Variants in IFFO1 observed in about 807,000 individuals in gnomAD.
The protein encoded by IFFO1 is non-homologous end joining factor IFFO1.
In IFFO1, 42 loss-of-function variants were observed where a neutral mutation model predicts 59.6. The observed-to-expected ratio is 0.70, with a 90% CI of 0.55 to 0.91. The LOEUF is 0.91. Ranked by LOEUF, IFFO1 falls within the 40% of genes least tolerant of loss-of-function variation. The pLI is 0.00. For missense variants in IFFO1, 711 were observed against 793.2 expected (o/e 0.90, Z 1.24); for synonymous variants, 336 against 342.8 (o/e 0.98, Z 0.22).
chr12:6,551,449 CTCG>C, intron 1 of IFFO1: 1 of 1,295,406 alleles, frequency 7.7e-7, no homozygotes, highest in Non-Finnish European at 1.0e-6. Context: ...CAGAACAGAG[CTCG>C]TCGAGCCCGC....
chr12:6,548,815 A>G lies in IFFO1; in HGVS notation c.1115T>C (p.Met372Thr), dbSNP rs1947096711. 4 of 1,612,884 alleles carry G rather than the reference A, an allele frequency of 2.5e-6. No homozygotes were observed. Among genetic ancestry groups the G allele is most frequent in the Non-Finnish European group, 3.4e-6 (4 of 1,179,608 alleles). Residue 372 changes from methionine (M) to threonine (T), a missense_variant, in exon 6 of 10, where the codon ATG becomes ACG. Met to Thr is a moderately conservative substitution (Grantham distance 81). Around this residue, in one of 3 missense-constraint regions of IFFO1, gnomAD observed 579 missense variants for 650.3 expected, o/e 0.89. Coordinates refer to ENST00000619571, the MANE Select transcript of IFFO1 (RefSeq NM_001193457.2). The surrounding 1 kb of genome is among the most constrained non-coding windows in gnomAD (Gnocchi z 6.1). ...LHLSPIKVPS[M>T]GGRKRERKAA... ...CTTGCGCTCCCGCTTCCGCCCCCCC[A>G]TGGATGGGACCTTAATGGGAGACAA...
At chr12:6,542,986 G>A (rs1946785136) in intron 8 of IFFO1, among the ~76,000 whole-genome samples, 1 of 152,192 alleles carries the variant, frequency 6.6e-6, no homozygotes, top group Non-Finnish European at 1.5e-5. Context: ...CAAATTTACA[G>A]CAGGAACAAG....
At chr12:6,547,934 G>GCTGAGA (rs1327702965) in intron 8 of IFFO1, 131 bp downstream of exon 8, 13 of 731,776 alleles carry the variant, frequency 1.8e-5, no homozygotes, top group Non-Finnish European at 3.0e-5. Context: ...GAGGACTATA[G>GCTGAGA]CTGAGAGATC....
Position 6,540,580 on chromosome 12 carries a change from GGA to G in IFFO1, c.1617_1618del (p.Pro540CysfsTer8), listed in dbSNP as rs1565560936. The G allele has an allele frequency of 1.1e-5, 18 of 1,613,454 alleles. No individual in the cohort carries two copies. The highest frequency in any genetic ancestry group is 1.5e-5 in the Non-Finnish European group (18 of 1,179,902). On this transcript the variant is annotated frameshift_variant, in exon 10 of 10. Coordinates refer to ENST00000619571, the MANE Select transcript of IFFO1 (RefSeq NM_001193457.2). LOFTEE classifies it high-confidence loss of function. ...GCTAAGCGGGACCGCAGTGAAAGCAGGAGACTTTCTAGAAAAAAACACCAGTT... is the reference window on the plus strand; with the variant it reads ...GCTAAGCGGGACCGCAGTGAAAGCAGGACTTTCTAGAAAAAAACACCAGTT...
In IFFO1 at chr12:6,549,504, G is replaced by A; in HGVS notation, c.1072-20C>T. On this transcript the variant is annotated intron_variant, in intron 4 of 9. Transcript: ENST00000619571. The surrounding 1 kb of genome is among the most constrained non-coding windows in gnomAD (Gnocchi z 5.0). The stretch of plus-strand genomic sequence containing the variant: ...CTTCTTCTGTGGAGGAAGCAAGAGA[G>A]AAGATGAGAGGAAGAGAGGAGAGGA... 6.2e-7 allele frequency: 1 copy of A among 1,604,786 alleles called. No individual in the cohort carries two copies. Among genetic ancestry groups the A allele is most frequent in the East Asian group, 2.2e-5 (1 of 44,862 alleles).
At position 6,548,951 on chromosome 12, in the gene IFFO1, G is replaced by A. The variant is rs1592215530; in HGVS notation, c.1081-102C>T. On this transcript the variant is annotated intron_variant, in intron 5 of 9. Coordinates refer to ENST00000619571, the MANE Select transcript of IFFO1 (RefSeq NM_001193457.2). The surrounding 1 kb of genome is among the most constrained non-coding windows in gnomAD (Gnocchi z 6.1). ...GAAGCATGAACCAGTAGGAAGGGGG[G>A]GCAGACAGAGAGAAAAGTCACAGTT... is the stretch of plus-strand genomic sequence containing the variant. The A allele has an allele frequency of 3.2e-6, 3 of 935,318 alleles. No homozygotes were observed. The highest frequency in any genetic ancestry group is 2.6e-5 in the East Asian group (1 of 37,844). The allele number at this position is 935,318 out of a possible 1,614,324, so 57.9% of individuals were successfully genotyped here.
intron 1 of IFFO1, among the ~76,000 whole-genome samples, chr12:6,554,148 T>C (rs936103116): frequency 6.6e-6 from 1 of 150,738 alleles, no homozygotes; most frequent in African/African-American, 2.4e-5. Context: ...TGGAGATCCC[T>C]GAAGGTCGCC....
At chr12:6,553,342 T>A (rs76167051) in intron 1 of IFFO1, among the ~76,000 whole-genome samples, 1 of 151,128 alleles carries the variant, frequency 6.6e-6, no homozygotes, top group South Asian at 2.1e-4. Flanking sequence ...AAAAAAAAAA[T>A]GCTCCTGAGA....
In IFFO1 at chr12:6,549,543, G is replaced by A; in HGVS notation, c.1072-59C>T. 1 of 1,457,012 alleles carries A rather than the reference G, an allele frequency of 6.9e-7. No homozygotes were observed. The highest frequency in any genetic ancestry group is 1.1e-5 in the South Asian group (1 of 87,662). The allele number at this position is 1,457,012 out of a possible 1,614,324, so 90.3% of individuals were successfully genotyped here. On this transcript the variant is annotated intron_variant, in intron 4 of 9. Coordinates refer to ENST00000619571, the MANE Select transcript of IFFO1 (RefSeq NM_001193457.2). This position sits in a 1 kb window ranked among gnomAD's most constrained non-coding sequence, Gnocchi z 5.0. The stretch of plus-strand genomic sequence containing the variant: ...GAGAGGAGAGGAAGCAGACAGAGGA[G>A]AGAGAGGGGGAAGGGAGAGACGGCG...
rs1293033106 is a variant in IFFO1 at position 6,548,151 on chromosome 12, C to G, written c.1393G>C (p.Asp465His). The change falls in exon 8 of 10, where the codon GAT becomes CAT. Residue 465 changes from aspartate (D) to histidine (H), a missense_variant. Coordinates refer to ENST00000619571, the MANE Select transcript of IFFO1 (RefSeq NM_001193457.2). This position sits in a 1 kb window ranked among gnomAD's most constrained non-coding sequence, Gnocchi z 6.1. ...AAEAQGEQQE[D>H]SLEKVIKDTE... ...TCTTTAATCACCTTCTCCAGGCTATCTTCCTGCTGCTGGAGTAGAAAGGGA... is the reference window on the plus strand; with the variant it reads ...TCTTTAATCACCTTCTCCAGGCTATGTTCCTGCTGCTGGAGTAGAAAGGGA... The G allele has an allele frequency of 1.9e-6, 3 of 1,613,838 alleles. No individual in the cohort carries two copies. The highest frequency in any genetic ancestry group is 2.2e-5 in the South Asian group (2 of 91,076).
rs765374647 is a variant in IFFO1, at chr12:6,550,924, T to TG, written c.834+16dup. On this transcript the variant is annotated intron_variant, in intron 2 of 9. Coordinates refer to ENST00000619571, the MANE Select transcript of IFFO1 (RefSeq NM_001193457.2). ...TACCCAGGGAAGCACCAGCAGCAAGTGGGGCGCCACCCTCACCTCCTGGAG... is the reference window on the plus strand; with the variant it reads ...TACCCAGGGAAGCACCAGCAGCAAGTGGGGGCGCCACCCTCACCTCCTGGAG... 1 of 1,613,864 alleles carries TG rather than the reference T, an allele frequency of 6.2e-7. No individual in the cohort carries two copies. Among genetic ancestry groups the TG allele is most frequent in the South Asian group, 1.1e-5 (1 of 91,082 alleles).
At position 6,548,744 on chromosome 12, in the gene IFFO1, G is replaced by A. The variant is rs373627268; in HGVS notation, c.1186C>T (p.Arg396Cys). The A allele has an allele frequency of 4.3e-5, 70 of 1,613,918 alleles. No individual in the cohort carries two copies. The Middle Eastern group carries it at 8.2e-4, about 19-fold the overall frequency. The change falls in exon 6 of 10, where the codon CGC becomes TGC. Residue 396 changes from arginine (R) to cysteine (C), a missense_variant. Arg to Cys is a radical substitution (Grantham distance 180). Around this residue, in one of 3 missense-constraint regions of IFFO1, gnomAD observed 579 missense variants for 650.3 expected, o/e 0.89. Coordinates refer to ENST00000619571, the MANE Select transcript of IFFO1 (RefSeq NM_001193457.2). This position sits in a 1 kb window ranked among gnomAD's most constrained non-coding sequence, Gnocchi z 6.1. ...TCCTCCTCATCCCCATCGGGCTGGC[G>A]GGGCCCCTCACTCTCCGACAGGGAG... is the stretch of plus-strand genomic sequence containing the variant. ...DTSLSESEGP[R>C]QPDGDEEEST...
In IFFO1 at chr12:6,549,334, G is replaced by C. The variant is rs1592216400; in HGVS notation, c.1080+142C>G. On this transcript the variant is annotated intron_variant, in intron 5 of 9. Coordinates refer to ENST00000619571, the MANE Select transcript of IFFO1 (RefSeq NM_001193457.2). This position sits in a 1 kb window ranked among gnomAD's most constrained non-coding sequence, Gnocchi z 5.0. ...AGAGAACAAGAGATAGAGAGAAAAA[G>C]GGGGAAGAGCAAGGAAAAGGGAAAG... is the stretch of plus-strand genomic sequence containing the variant. 2.7e-6 allele frequency: 2 copies of C among 751,872 alleles called. No homozygotes were observed. Among genetic ancestry groups the C allele is most frequent in the East Asian group, 2.5e-5 (1 of 40,614 alleles). 46.6% of individuals were successfully genotyped at this position (751,872 alleles called of 1,614,324 possible). A position where few individuals can be genotyped will look rare whatever the true frequency, so the allele number is the denominator to read the frequency against.
chr12:6,548,582 G>C lies in IFFO1; in HGVS notation c.1263-37C>G, dbSNP rs771592044. On this transcript the variant is annotated intron_variant, in intron 6 of 9. Coordinates refer to ENST00000619571, the MANE Select transcript of IFFO1 (RefSeq NM_001193457.2). This position sits in a 1 kb window ranked among gnomAD's most constrained non-coding sequence, Gnocchi z 6.1. ...GAACCCGGGTGTCAGGGCGGGCGGG[G>C]CCTCGTCCTGGCGGGGGACTGGGGA... The C allele has an allele frequency of 6.2e-7, 1 of 1,613,436 alleles. No individual in the cohort carries two copies. The highest frequency in any genetic ancestry group is 2.2e-5 in the East Asian group (1 of 44,868).
chr12:6,555,823 G>C lies in IFFO1; in HGVS notation c.207C>G (p.Asp69Glu), dbSNP rs371896374. The C allele has an allele frequency of 6.2e-7, 1 of 1,612,000 alleles. No individual in the cohort carries two copies. ...APPAAMALRN[D>E]LGSNINVLKT... is the part of the protein sequence containing the mutation. ...TGAGCACGTTGATGTTGGAGCCCAG[G>C]TCATTGCGGAGGGCCATGGCGGCAG... The change falls in exon 1 of 10, where the codon GAC (aspartate) becomes GAG (glutamate). Residue 69 changes from aspartate to glutamate, a missense_variant. This residue lies in a region of IFFO1 where 114 missense variants were observed against 102.4 expected (regional missense o/e 1.11). Coordinates refer to ENST00000619571, the MANE Select transcript of IFFO1 (RefSeq NM_001193457.2). The surrounding 1 kb of genome is among the most constrained non-coding windows in gnomAD (Gnocchi z 8.6).
At position 6,555,876 on chromosome 12, in the gene IFFO1, A is replaced by T. The variant is rs2136156693; in HGVS notation, c.154T>A (p.Ser52Thr). 6.2e-7 allele frequency: 1 copy of T among 1,600,368 alleles called. No individual in the cohort carries two copies. The highest frequency in any genetic ancestry group is 1.1e-5 in the South Asian group (1 of 90,548). ...PLSPAGPAAY[S>T]PPGPGPAPPA... ...GGGGCCGGGCCCGGCCCGGGCGGCG[A>T]GTAGGCAGCAGGGCCGGCCGGCGAG... is the stretch of plus-strand genomic sequence containing the variant. The change falls in exon 1 of 10, where the codon TCG becomes ACG. Residue 52 changes from serine (S) to threonine (T), a missense_variant. Physicochemically the swap from Ser to Thr is moderately conservative, Grantham distance 58. Coordinates refer to ENST00000619571, the MANE Select transcript of IFFO1 (RefSeq NM_001193457.2). The surrounding 1 kb of genome is among the most constrained non-coding windows in gnomAD (Gnocchi z 8.6).
Position 6,555,213 on chromosome 12 carries a change from G to C in IFFO1, c.773+44C>G. ...CACACCAACTCGCGGCCCGTTGTGA[G>C]TGGTATGACACAGAGAGACCTGTCC... On this transcript the variant is annotated intron_variant, in intron 1 of 9. Transcript: ENST00000619571. This position sits in a 1 kb window ranked among gnomAD's most constrained non-coding sequence, Gnocchi z 8.6. 6.3e-7 allele frequency: 1 copy of C among 1,592,664 alleles called. No individual in the cohort carries two copies. The highest frequency in any genetic ancestry group is 8.6e-7 in the Non-Finnish European group (1 of 1,161,402).
chr12:6,543,720 A>G (rs2136100835), intron 8 of IFFO1: 1 of 152,316 alleles, frequency 6.6e-6, no homozygotes, highest in Non-Finnish European at 1.5e-5. Flanking sequence ...TAATCCCAGC[A>G]CTTTGGGAGG....
At chr12:6,542,636 T>C (rs1236855078) in intron 8 of IFFO1, among the ~76,000 whole-genome samples, 1 of 152,018 alleles carries the variant, frequency 6.6e-6, no homozygotes, top group Non-Finnish European at 1.5e-5. Context: ...ACAGTGACAT[T>C]TGGGGTGAGA....
Sources: allele counts gnomAD v4.1 joint callset (sites outside exome capture counted in the v4.1 genomes callset), GRCh38; gene constraint gnomAD v4.1.1; regional missense constraint gnomAD v4.1.1; non-coding constraint Gnocchi (gnomAD v3.1); transcripts MANE v1.5; gene names NCBI Gene and HGNC (gene_info 2026-07-23, HGNC 2026-07-21).